Variants in ANAPC1 observed in about 807,000 individuals in gnomAD.
ANAPC1 encodes the protein anaphase-promoting complex subunit 1.
ANAPC1 carries 36 observed loss-of-function variants against 208.0 expected under a neutral mutation model. The observed-to-expected ratio is 0.17, with a 90% CI of 0.13 to 0.23. The LOEUF (loss-of-function observed/expected upper bound fraction) is 0.23, where lower values mean the gene tolerates loss of function less well. ANAPC1 is among the 10% of genes least tolerant of loss of function. ANAPC1 has a pLI of 1.00. For synonymous variants in ANAPC1, 378 were observed against 695.2 expected (o/e 0.54, Z 7.18); for missense variants, 942 against 2,011.6 (o/e 0.47, Z 10.17).
Position 111,833,253 on chromosome 2 carries a change from T to G in ANAPC1, c.2443A>C (p.Arg815=), listed in dbSNP as rs1680260737. 3.7e-6 allele frequency: 6 copies of G among 1,603,012 alleles called. No homozygotes were observed. Among genetic ancestry groups the G allele is most frequent in the African/African-American group, 2.7e-5 (2 of 74,820 alleles). ...ATTGTGCACACTTGTCCAGTAGTTC[T>G]GACAAGCGTTGGGTAGTCTCTATAG... is the stretch of plus-strand genomic sequence containing the variant. The part of the protein sequence containing the change: ...HYYRDYPTLV[R]TTGQVCTIDP... The change falls in exon 20 of 48, where the codon AGA becomes CGA. Residue 815 remains arginine (R), a synonymous_variant. Transcript: ENST00000341068.
At chr2:111,872,884 T>C (rs974786862) in intron 5 of ANAPC1, 172 bp from the exon 6 acceptor site, 6 of 590,006 alleles carry the variant, frequency 1.0e-5, no homozygotes, top group Admixed American at 3.3e-5. Context: ...TAAGCAACTC[T>C]AAGATAAAAT....
intron 14 of ANAPC1, among the ~76,000 whole-genome samples, chr2:111,849,852 C>T (rs1681292963): frequency 6.6e-6 from 1 of 151,442 alleles, no homozygotes; most frequent in East Asian, 1.9e-4. Flanking sequence ...GATCCAAAAC[C>T]TCATAACTCC....
At chr2:111,863,496 A>G (rs1416711684) in intron 9 of ANAPC1, among the ~76,000 whole-genome samples, 179 bp downstream of exon 9, 2 of 136,920 alleles carry the variant, frequency 1.5e-5, no homozygotes, top group Non-Finnish European at 3.2e-5. Flanking sequence ...TGGGTGACAC[A>G]GCAAGACTCC....
intron 43 of ANAPC1, among the ~76,000 whole-genome samples, chr2:111,782,125 T>C (rs1369108344): frequency 6.6e-6 from 1 of 151,452 alleles, no homozygotes; most frequent in Admixed American, 6.6e-5. Flanking sequence ...TGCTGCTAAA[T>C]GTAAACATTA....
Position 111,883,935 on chromosome 2 carries a change from C to A in ANAPC1, c.-25+7G>T, listed in dbSNP as rs1357658183. On this transcript the variant is annotated splice_region_variant and intron_variant, in intron 1 of 47. Coordinates refer to ENST00000341068, the MANE Select transcript of ANAPC1 (RefSeq NM_022662.4). ...GACCACCAAGTGCTGCGGTACGGCGCCCGCACCTGTATAACTCGGGACGCG... is the reference window on the plus strand; with the variant it reads ...GACCACCAAGTGCTGCGGTACGGCGACCGCACCTGTATAACTCGGGACGCG... 1 of 152,286 alleles carries A rather than the reference C, an allele frequency of 6.6e-6. No homozygotes were observed. Among genetic ancestry groups the A allele is most frequent in the African/African-American group, 2.4e-5 (1 of 41,458 alleles). 9.4% of individuals were successfully genotyped at this position (152,286 alleles called of 1,614,324 possible). A position where few individuals can be genotyped will look rare whatever the true frequency, so the allele number is the denominator to read the frequency against.
intron 21 of ANAPC1, among the ~76,000 whole-genome samples, chr2:111,830,341 A>G (rs1016194040): frequency 6.5e-4 from 99 of 152,268 alleles, no homozygotes; most frequent in Admixed American, 3.1e-3. Flanking sequence ...ATGAAATAAT[A>G]AAAACCTTGA....
chr2:111,789,824 AG>A (rs1315754880), intron 38 of ANAPC1, among the ~76,000 whole-genome samples: 5 of 152,236 alleles, frequency 3.3e-5, no homozygotes, highest in Non-Finnish European at 7.3e-5. Flanking sequence ...AAGAAGAGCG[AG>A]GAGAGTCATA....
chr2:111,872,909 A>T, intron 5 of ANAPC1, 197 bp from the exon 6 acceptor site: 1 of 571,322 alleles, frequency 1.8e-6, no homozygotes, highest in Non-Finnish European at 3.1e-6. Context: ...TCTAATAAAG[A>T]GGAGTTGTTC....
intron 21 of ANAPC1, among the ~76,000 whole-genome samples, chr2:111,829,324 T>C (rs1292167504): frequency 6.6e-6 from 1 of 152,210 alleles, no homozygotes; most frequent in Non-Finnish European, 1.5e-5. Context: ...TATGTCTGTT[T>C]TGGAGCCATG....
In ANAPC1 at chr2:111,767,654, T is replaced by C. The variant is rs964281619; in HGVS notation, c.*1637A>G. 1 of 118,228 alleles carries C rather than the reference T, an allele frequency of 8.5e-6. No individual in the cohort carries two copies. Among genetic ancestry groups the C allele is most frequent in the Admixed American group, 8.2e-5 (1 of 12,166 alleles). The allele number at this position is 118,228 out of a possible 1,614,324, so 7.3% of individuals were successfully genotyped here. A position where few individuals can be genotyped will look rare whatever the true frequency, so the allele number is the denominator to read the frequency against. On this transcript the variant is annotated 3_prime_UTR_variant, in exon 48 of 48. Transcript: ENST00000341068. ...CAAACAACTAATGTCTCTCCAGTCA[T>C]TCTTTATTCAGGAAAAGCACACAAT...
intron 6 of ANAPC1, 76 bp from the exon 7 acceptor site, chr2:111,868,172 G>A (rs1338445286): frequency 5.5e-6 from 5 of 912,134 alleles, no homozygotes; most frequent in East Asian, 2.7e-5. Flanking sequence ...CTATTGAAAA[G>A]AAATCTCCAG....
intron 1 of ANAPC1, among the ~76,000 whole-genome samples, chr2:111,881,638 G>C (rs968700434): frequency 6.6e-6 from 1 of 152,198 alleles, no homozygotes. Flanking sequence ...GTAGCAGCCA[G>C]GCTTTAGACA....
Position 111,784,579 on chromosome 2 carries a change from G to T in ANAPC1, c.4918-179C>A, listed in dbSNP as rs1336371143. Among the ~76,000 whole-genome samples the T allele has an allele frequency of 2.6e-5, 4 of 151,044 alleles. No individual in the cohort carries two copies. The East Asian group carries it at 7.8e-4, about 29-fold the overall frequency. On this transcript the variant is annotated intron_variant, in intron 40 of 47. Transcript: ENST00000341068. ...GGACTGATGTCTAAATTCCTCACAGGGTATGTGTCCTTCCCATCACTTCAA... is the reference window on the plus strand; with the variant it reads ...GGACTGATGTCTAAATTCCTCACAGTGTATGTGTCCTTCCCATCACTTCAA...
Position 111,834,769 on chromosome 2 carries a change from T to C in ANAPC1, c.2219A>G (p.Asp740Gly), listed in dbSNP as rs1412511408. The C allele has an allele frequency of 6.2e-7, 1 of 1,613,352 alleles. No individual in the cohort carries two copies. The highest frequency in any genetic ancestry group is 8.5e-7 in the Non-Finnish European group (1 of 1,179,724). The change falls in exon 19 of 48, where the codon GAT becomes GGT. Residue 740 changes from aspartate to glycine, a missense_variant. Coordinates refer to ENST00000341068, the MANE Select transcript of ANAPC1 (RefSeq NM_022662.4). ...ACTGAGATTCTGTGAAAAATCCTCA[T>C]CCTTCATCTGTGAAGCTTCTGAAGG... is the stretch of plus-strand genomic sequence containing the variant. ...LSPSEASQMKDEDFSQNLSLD... is the reference protein window; with the variant it reads ...LSPSEASQMKGEDFSQNLSLD...
intron 1 of ANAPC1, among the ~76,000 whole-genome samples, chr2:111,882,183 CA>C (rs1274939446): frequency 1.4e-5 from 2 of 141,612 alleles, no homozygotes; most frequent in African/African-American, 2.6e-5. Context: ...GACTCTGTCT[CA>C]AAAAAAAAAC....
chr2:111,840,443 CT>C (rs988471373), intron 17 of ANAPC1, among the ~76,000 whole-genome samples: 1 of 152,130 alleles, frequency 6.6e-6, no homozygotes, highest in African/African-American at 2.4e-5. Flanking sequence ...TTATTCCTTC[CT>C]TTATAATTAT....
intron 18 of ANAPC1, among the ~76,000 whole-genome samples, chr2:111,838,085 C>CAAAAAAAAAAAAAAAA (rs57089465): frequency 5.8e-5 from 6 of 103,464 alleles, no homozygotes; most frequent in African/African-American, 9.5e-5. Flanking sequence ...TACTCCGTCT[C>CAAAAAAAAAAAAAAAA]AAAAAAAAAA....
intron 24 of ANAPC1, among the ~76,000 whole-genome samples, chr2:111,822,993 T>G (rs1360241705): frequency 7.1e-6 from 1 of 140,976 alleles, no homozygotes; most frequent in African/African-American, 2.6e-5. Flanking sequence ...TAATAATTCT[T>G]TTTATTCTTT....
intron 6 of ANAPC1, among the ~76,000 whole-genome samples, chr2:111,868,600 G>A (rs778321823): frequency 7.9e-5 from 12 of 152,088 alleles, no homozygotes; most frequent in Non-Finnish European, 1.5e-4. Context: ...GCATCATCTC[G>A]GCTCACTACA....
Sources: allele counts gnomAD v4.1 joint callset (sites outside exome capture counted in the v4.1 genomes callset), GRCh38; gene constraint gnomAD v4.1.1; transcripts MANE v1.5; gene names NCBI Gene and HGNC (gene_info 2026-07-23, HGNC 2026-07-21).